Variants in ARHGAP22 observed in about 807,000 individuals in gnomAD.
ARHGAP22 encodes Rho GTPase activating protein 22, also known as rho GTPase-activating protein 22.
Under a neutral mutation model 59.1 loss-of-function variants are expected in ARHGAP22, and 48 were observed. The ratio of observed to expected loss-of-function variants is 0.81; its 90% CI spans 0.64 to 1.03. ARHGAP22 has a LOEUF of 1.03. ARHGAP22 is among the 50% of genes least tolerant of loss of function. The pLI is 0.00. For missense variants in ARHGAP22, 1,015 were observed against 958.7 expected (o/e 1.06, Z -0.78); for synonymous variants, 445 against 416.4 (o/e 1.07, Z -0.84).
At chr10:48,515,410 C>A (rs1421171260) in intron 3 of ARHGAP22, among the ~76,000 whole-genome samples, 1 of 152,072 alleles carries the variant, frequency 6.6e-6, no homozygotes, top group Non-Finnish European at 1.5e-5. Context: ...AACATATATG[C>A]CCCTATAAAC....
chr10:48,462,143 C>G (rs934605272), intron 4 of ARHGAP22, among the ~76,000 whole-genome samples: 2 of 151,028 alleles, frequency 1.3e-5, no homozygotes, highest in African/African-American at 4.9e-5. Flanking sequence ...GTAGTGTGGG[C>G]TTGTGTGTGC....
At chr10:48,623,369 A>T (rs2061346909) in intron 1 of ARHGAP22, among the ~76,000 whole-genome samples, 1 of 152,208 alleles carries the variant, frequency 6.6e-6, no homozygotes, top group Non-Finnish European at 1.5e-5. Flanking sequence ...TGTGTATTTT[A>T]GCTTTCTTAC....
intron 2 of ARHGAP22, among the ~76,000 whole-genome samples, chr10:48,580,933 T>TA (rs3076348): frequency 0.012 from 1,755 of 147,776 alleles, 24 homozygotes; most frequent in African/African-American, 0.029. Flanking sequence ...CAATCTAAAG[T>TA]AAAAAAAAAA....
chr10:48,565,347 G>T (rs531843274), intron 2 of ARHGAP22, among the ~76,000 whole-genome samples: 1 of 152,154 alleles, frequency 6.6e-6, no homozygotes, highest in African/African-American at 2.4e-5. Context: ...CCTAAGAAAG[G>T]GCAGTGCTGC....
intron 3 of ARHGAP22, among the ~76,000 whole-genome samples, chr10:48,508,545 T>C (rs1390840449): frequency 6.6e-6 from 1 of 152,246 alleles, no homozygotes; most frequent in Non-Finnish European, 1.5e-5. Flanking sequence ...TCACCTCCTT[T>C]TGGAGCCATG....
intron 3 of ARHGAP22, chr10:48,523,992 G>C: frequency 7.1e-7 from 1 of 1,411,966 alleles, no homozygotes; most frequent in South Asian, 1.4e-5. Flanking sequence ...TCCCCGAGGC[G>C]GGGCTGGCAG....
chr10:48,432,605 C>T, the ARHGAP22 span, among the ~76,000 whole-genome samples: 1 of 152,142 alleles, frequency 6.6e-6, no homozygotes, highest in Non-Finnish European at 1.5e-5. Context: ...GATGGAGGCT[C>T]AGGTGGGATT....
chr10:48,599,317 G>C (rs906042281), intron 1 of ARHGAP22, among the ~76,000 whole-genome samples: 1 of 152,198 alleles, frequency 6.6e-6, no homozygotes, highest in Non-Finnish European at 1.5e-5. Context: ...TTAACCCAGG[G>C]ACTGCCACGT....
the ARHGAP22 span, chr10:48,431,214 T>C: frequency 4.3e-6 from 7 of 1,611,006 alleles, no homozygotes; most frequent in African/African-American, 1.3e-5. Context: ...AAGGAAGTTA[T>C]GGACTTGGAG....
At chr10:48,463,436 T>C (rs2133845404) in intron 4 of ARHGAP22, among the ~76,000 whole-genome samples, 1 of 152,290 alleles carries the variant, frequency 6.6e-6, no homozygotes, top group Non-Finnish European at 1.5e-5. Flanking sequence ...CAGGAGGAAG[T>C]GCCCATGGGC....
At chr10:48,639,273 G>C (rs1473400723) in intron 1 of ARHGAP22, among the ~76,000 whole-genome samples, 2 of 152,230 alleles carry the variant, frequency 1.3e-5, no homozygotes, top group Non-Finnish European at 2.9e-5. Flanking sequence ...CAATTAGTCT[G>C]AGGTTGCAGT....
chr10:48,581,726 AT>A (rs2059132425), intron 2 of ARHGAP22, among the ~76,000 whole-genome samples: 1 of 152,254 alleles, frequency 6.6e-6, no homozygotes. Flanking sequence ...CATTAAGTGC[AT>A]TCACGTTGCT....
At chr10:48,458,450 C>G (rs2046795541) in intron 5 of ARHGAP22, among the ~76,000 whole-genome samples, 1 of 152,092 alleles carries the variant, frequency 6.6e-6, no homozygotes, top group African/African-American at 2.4e-5. Flanking sequence ...TGGAGACCCC[C>G]CCAGCAGGAT....
chr10:48,442,526 T>G (rs1324705674), downstream of ARHGAP22, among the ~76,000 whole-genome samples: 1 of 152,114 alleles, frequency 6.6e-6, no homozygotes, highest in Non-Finnish European at 1.5e-5. Context: ...GGAAAAGATA[T>G]TCTAGAACCT....
At chr10:48,457,209 C>T (rs913271495) in intron 5 of ARHGAP22, among the ~76,000 whole-genome samples, 9 of 152,136 alleles carry the variant, frequency 5.9e-5, no homozygotes, top group Non-Finnish European at 1.5e-5. Context: ...ATGCAGAACA[C>T]GCCATGCCTC....
At chr10:48,631,855 T>C (rs1452341938) in intron 1 of ARHGAP22, among the ~76,000 whole-genome samples, 1 of 152,182 alleles carries the variant, frequency 6.6e-6, no homozygotes, top group Non-Finnish European at 1.5e-5. Flanking sequence ...TCTGAGTTTC[T>C]CACCCATCAT....
At chr10:48,444,288 C>T (rs982990947), downstream of ARHGAP22, 1 of 152,072 alleles carries the variant, frequency 6.6e-6, no homozygotes, top group African/African-American at 2.4e-5. Context: ...AAATGTAACT[C>T]AATTGAGAGA....
At position 48,450,282 on chromosome 10, in the gene ARHGAP22, T is replaced by G; in HGVS notation, c.1847A>C (p.Glu616Ala). 6.2e-7 allele frequency: 1 copy of G among 1,610,028 alleles called. No individual in the cohort carries two copies. The highest frequency in any genetic ancestry group is 8.5e-7 in the Non-Finnish European group (1 of 1,178,746). Residue 616 changes from glutamate (E) to alanine (A), a missense_variant, in exon 9 of 10, where the codon GAG becomes GCG. Coordinates refer to ENST00000249601, the MANE Select transcript of ARHGAP22 (RefSeq NM_021226.4). ...TTACCTTTTCACACTCCTCTCGTAC[T>G]CAGTCCGCTGGCGGCACAGCTCGGC... ...LRAELCRQRT[E>A]YERSVKRIEE...
In ARHGAP22 at chr10:48,446,286, G is replaced by T; in HGVS notation, c.*105C>A. On this transcript the variant is annotated 3_prime_UTR_variant, in exon 10 of 10. Transcript: ENST00000249601. ...AGGTATCAGGATCTCTCTCTCTCCA[G>T]CTGGCTCCAGAGCGCCTGGCTGCTC... is the stretch of plus-strand genomic sequence containing the variant. 1.6e-6 allele frequency: 2 copies of T among 1,213,250 alleles called. No individual in the cohort carries two copies. Among genetic ancestry groups the T allele is most frequent in the Non-Finnish European group, 2.3e-6 (2 of 857,860 alleles). The allele number at this position is 1,213,250 out of a possible 1,614,324, so 75.2% of individuals were successfully genotyped here. A position where few individuals can be genotyped will look rare whatever the true frequency, so the allele number is the denominator to read the frequency against.
Sources: allele counts gnomAD v4.1 joint callset (sites outside exome capture counted in the v4.1 genomes callset), GRCh38; gene constraint gnomAD v4.1.1; transcripts MANE v1.5; gene names NCBI Gene and HGNC (gene_info 2026-07-23, HGNC 2026-07-21).